CDS2: variants seen among roughly 807,000 people sequenced by gnomAD.
The protein encoded by CDS2 is CDP-diacylglycerol synthase 2.
In CDS2, 47 loss-of-function variants were observed where a neutral mutation model predicts 59.0. That is an observed-to-expected ratio of 0.80 (90% CI 0.63 to 1.02). CDS2 has a LOEUF of 1.02. Among genes scored for constraint, CDS2 ranks in the 50% least tolerant of loss-of-function variants. CDS2 has a pLI of 0.00. For synonymous variants in CDS2, 207 were observed against 206.4 expected, an observed-to-expected ratio of 1.00 and a Z score of -0.02; for missense variants, 356 against 558.9, an observed-to-expected ratio of 0.64 and a Z score of 3.66.
intron 10 of CDS2, among the ~76,000 whole-genome samples, chr20:5,188,233 G>A (rs551669207): frequency 1.3e-5 from 2 of 152,326 alleles, no homozygotes; most frequent in South Asian, 2.1e-4. Flanking sequence ...ATCCGTTCAA[G>A]TATAAGATAG....
chr20:5,140,181 A>G (rs147450287), intron 1 of CDS2, among the ~76,000 whole-genome samples: 1,899 of 152,158 alleles, frequency 0.012, 50 homozygotes, highest in African/African-American at 0.042. Context: ...TGCCATTTTC[A>G]TTTTGTGGCT....
chr20:5,165,446 A>G (rs2123023917), intron 1 of CDS2, among the ~76,000 whole-genome samples: 2 of 152,328 alleles, frequency 1.3e-5, no homozygotes, highest in African/African-American at 4.8e-5. Context: ...TCTAGGTGCC[A>G]GGCCAGGTGC....
intron 5 of CDS2, among the ~76,000 whole-genome samples, chr20:5,179,400 G>T (rs2091017370): frequency 2.0e-5 from 3 of 152,342 alleles, no homozygotes; most frequent in Admixed American, 6.5e-5. Flanking sequence ...GGGATTACAG[G>T]TGTGAGCCAC....
At position 5,173,439 on chromosome 20, in the gene CDS2, C is replaced by T. The variant is rs147253000; in HGVS notation, c.58-84C>T. On this transcript the variant is annotated intron_variant, in intron 1 of 12. Coordinates refer to ENST00000460006, the MANE Select transcript of CDS2 (RefSeq NM_003818.4). Reference sequence around the variant, plus strand: ...AGGCCCTGTTTGGAGTCTTTCCCCACAGATCTCTCATGACAGGCATAGACT... The same window carrying T: ...AGGCCCTGTTTGGAGTCTTTCCCCATAGATCTCTCATGACAGGCATAGACT... The T allele has an allele frequency of 3.7e-4, 550 of 1,499,584 alleles. 1 individual carries two copies. The East Asian group carries it at 6.1e-3, about 17-fold the overall frequency. 92.9% of individuals were successfully genotyped at this position (1,499,584 alleles called of 1,614,324 possible). A position where few individuals can be genotyped will look rare whatever the true frequency, so the allele number is the denominator to read the frequency against.
chr20:5,150,147 C>T (rs77017048), intron 1 of CDS2, among the ~76,000 whole-genome samples: 3 of 152,152 alleles, frequency 2.0e-5, no homozygotes, highest in Non-Finnish European at 4.4e-5. Flanking sequence ...ATCCATTTTT[C>T]AAAGTGCTGC....
At chr20:5,150,644 G>A (rs1160495529) in intron 1 of CDS2, among the ~76,000 whole-genome samples, 1 of 152,214 alleles carries the variant, frequency 6.6e-6, no homozygotes, top group Non-Finnish European at 1.5e-5. Context: ...AGCAGTGCAG[G>A]CCTGTGTGGC....
At chr20:5,145,822 G>GGTTTTTTTTTTGT (rs773575866) in intron 1 of CDS2, among the ~76,000 whole-genome samples, 4 of 129,264 alleles carry the variant, frequency 3.1e-5, no homozygotes, top group African/African-American at 1.2e-4. Flanking sequence ...TGCTTTTTGT[G>GGTTTTTTTTTTGT]TTTTTTTTTT....
At chr20:5,139,010 A>G (rs2090671193) in intron 1 of CDS2, among the ~76,000 whole-genome samples, 2 of 152,202 alleles carry the variant, frequency 1.3e-5, no homozygotes, top group Non-Finnish European at 2.9e-5. Flanking sequence ...ATGTACTGTG[A>G]AGCTATCGCA....
Position 5,184,798 on chromosome 20 carries a change from G to T in CDS2, c.672-60G>T. ...TGGAATTTAAGAATGGCACTATTTT[G>T]TGTACTTTTGAGGTACTGTCACCTT... On this transcript the variant is annotated intron_variant, in intron 7 of 12. Coordinates refer to ENST00000460006, the MANE Select transcript of CDS2 (RefSeq NM_003818.4). This position sits in a 1 kb window ranked among gnomAD's most constrained non-coding sequence, Gnocchi z 4.3. 1 of 1,217,266 alleles carries T rather than the reference G, an allele frequency of 8.2e-7. No individual in the cohort carries two copies. The allele number at this position is 1,217,266 out of a possible 1,614,324, so 75.4% of individuals were successfully genotyped here. A position where few individuals can be genotyped will look rare whatever the true frequency, so the allele number is the denominator to read the frequency against.
rs573320030 is a variant in CDS2 at position 5,193,004 on chromosome 20, G to A, written c.*2770G>A. ...GGTGTTGCAGCTTTCCTTCCCTCTA[G>A]CTCAGGAGGCCTGGCCTGAGCCAGG... On this transcript the variant is annotated 3_prime_UTR_variant, in exon 13 of 13. Transcript: ENST00000460006. The A allele has an allele frequency of 2.6e-5, 4 of 152,308 alleles. No individual in the cohort carries two copies. Among genetic ancestry groups the A allele is most frequent in the Admixed American group, 2.6e-4 (4 of 15,294 alleles). The allele number at this position is 152,308 out of a possible 1,614,324, so 9.4% of individuals were successfully genotyped here.
chr20:5,139,017 C>T (rs755024597), intron 1 of CDS2, among the ~76,000 whole-genome samples: 16 of 152,100 alleles, frequency 1.1e-4, no homozygotes, highest in South Asian at 2.1e-4. Context: ...GTGAAGCTAT[C>T]GCAACCAAAA....
rs1330535962 is a variant in CDS2, at chr20:5,185,743, G to C, written c.760-15G>C. Reference sequence around the variant, plus strand: ...TCAAAACACCCTTTGCTGAGAACTTGCTCTCTGTCCACAGCTGTCCCCGAA... The same window carrying C: ...TCAAAACACCCTTTGCTGAGAACTTCCTCTCTGTCCACAGCTGTCCCCGAA... On this transcript the variant is annotated splice_polypyrimidine_tract_variant and intron_variant, in intron 8 of 12. Coordinates refer to ENST00000460006, the MANE Select transcript of CDS2 (RefSeq NM_003818.4). 2 of 1,613,166 alleles carry C rather than the reference G, an allele frequency of 1.2e-6. No individual in the cohort carries two copies. The highest frequency in any genetic ancestry group is 1.7e-6 in the Non-Finnish European group (2 of 1,179,104).
chr20:5,137,382 A>G (rs2090657240), intron 1 of CDS2, among the ~76,000 whole-genome samples: 1 of 151,146 alleles, frequency 6.6e-6, no homozygotes, highest in East Asian at 2.0e-4. Flanking sequence ...TAGCTGGGAC[A>G]ACAGGTGCTT....
At chr20:5,145,134 C>T (rs1233863984) in intron 1 of CDS2, among the ~76,000 whole-genome samples, 1 of 151,786 alleles carries the variant, frequency 6.6e-6, no homozygotes, top group Non-Finnish European at 1.5e-5. Flanking sequence ...TGTCTTGGCT[C>T]ACCTCTCTCC....
In CDS2 at chr20:5,133,083, C is replaced by T. The variant is rs962834727; in HGVS notation, c.57+5934C>T. 5.3e-5 allele frequency among the ~76,000 whole-genome samples: 8 copies of T among 151,692 alleles called. No homozygotes were observed. In the South Asian group the frequency reaches 1.7e-3, roughly 32 times the overall value. ...CTACTCAGGAGGCTGAGGAGAATGG[C>T]GTGATGGCGTGAACCCGGGAGGCGG... is the stretch of plus-strand genomic sequence containing the variant. On this transcript the variant is annotated intron_variant, in intron 1 of 12. Coordinates refer to ENST00000460006, the MANE Select transcript of CDS2 (RefSeq NM_003818.4).
chr20:5,127,961 A>G (rs1284924629), intron 1 of CDS2, among the ~76,000 whole-genome samples: 1 of 152,128 alleles, frequency 6.6e-6, no homozygotes, highest in Non-Finnish European at 1.5e-5. Flanking sequence ...AGTGATCAGG[A>G]GCCCTGTGTT....
At chr20:5,160,865 T>C (rs2090871693) in intron 1 of CDS2, among the ~76,000 whole-genome samples, 1 of 152,252 alleles carries the variant, frequency 6.6e-6, no homozygotes, top group African/African-American at 2.4e-5. Flanking sequence ...TTCATCCATG[T>C]GGTAGCATGT....
intron 1 of CDS2, among the ~76,000 whole-genome samples, chr20:5,148,968 T>G (rs1460331838): frequency 6.6e-6 from 1 of 152,210 alleles, no homozygotes; most frequent in Non-Finnish European, 1.5e-5. Context: ...GACTGTTTCT[T>G]CAGAGGTACT....
chr20:5,183,194 G>T (rs2123058314), intron 7 of CDS2, 51 bp downstream of exon 7: 3 of 1,471,862 alleles, frequency 2.0e-6, no homozygotes, highest in Non-Finnish European at 2.9e-6. Flanking sequence ...TGTTTCTCGT[G>T]TACAGATACC....
Sources: allele counts gnomAD v4.1 joint callset (sites outside exome capture counted in the v4.1 genomes callset), GRCh38; gene constraint gnomAD v4.1.1; non-coding constraint Gnocchi (gnomAD v3.1); transcripts MANE v1.5; gene names NCBI Gene and HGNC (gene_info 2026-07-23, HGNC 2026-07-21).